ARSH: variants seen among roughly 807,000 people sequenced by gnomAD.
ARSH encodes the protein arylsulfatase H.
Under a neutral mutation model 28.7 loss-of-function variants are expected in ARSH, and 32 were observed. That is an observed-to-expected ratio of 1.11 (90% CI 0.84 to 1.50). ARSH has a LOEUF of 1.50. Ranked by LOEUF, ARSH falls within the 40% of genes most tolerant of loss-of-function variation. The pLI, the probability that ARSH is intolerant of heterozygous loss-of-function variation, is 0.00. For missense variants in ARSH, 440 were observed against 452.4 expected, an observed-to-expected ratio of 0.97 and a Z score of 0.25; for synonymous variants, 176 against 177.3, an observed-to-expected ratio of 0.99 and a Z score of 0.06.
intron 6 of ARSH, 104 bp from the exon 7 acceptor site, chrX:3,027,209 C>T: frequency 1.1e-6 from 1 of 900,968 alleles, no homozygotes; most frequent in Non-Finnish European, 1.6e-6. Flanking sequence ...ATCCGCCCAC[C>T]TCGGCCCCCC....
chrX:3,024,477 GGTGTTGAACAGCGTCT>G (rs1320075283), intron 6 of ARSH, among the ~76,000 whole-genome samples: 1 of 110,672 alleles, frequency 9.0e-6, no homozygotes, highest in Non-Finnish European at 1.9e-5. Context: ...TGCCGTTGTA[GGTGTTGAACAGCGTCT>G]GTGGGCTCCA....
chrX:3,008,063 A>C (rs1281422642), intron 1 of ARSH, among the ~76,000 whole-genome samples: 2 of 111,996 alleles, frequency 1.8e-5, no homozygotes, highest in Non-Finnish European at 3.8e-5. Context: ...GGAGGGACAC[A>C]ATTTAGCTCA....
intron 4 of ARSH, 61 bp downstream of exon 4, chrX:3,015,454 G>A: frequency 9.3e-7 from 1 of 1,074,707 alleles, no homozygotes; most frequent in Non-Finnish European, 1.3e-6. Context: ...TTCATAGGAG[G>A]TCATCACACC....
At chrX:3,009,986 G>A in intron 1 of ARSH, 44 bp from the exon 2 acceptor site, 1 of 1,195,950 alleles carries the variant, frequency 8.4e-7, no homozygotes, top group Non-Finnish European at 1.1e-6. Context: ...ATTGTATTGA[G>A]AATTTTTAGA....
chrX:3,025,040 G>C (rs2089895106), intron 6 of ARSH, among the ~76,000 whole-genome samples: 1 of 109,208 alleles, frequency 9.2e-6, no homozygotes, highest in South Asian at 3.9e-4. Flanking sequence ...TTTTCCTGGA[G>C]GTATAATCAC....
In ARSH at chrX:3,015,240, CCTTT is replaced by C. The variant is rs755293914; in HGVS notation, c.614_617del (p.Phe205CysfsTer21). 18 of 1,209,245 alleles carry C rather than the reference CCTTT, an allele frequency of 1.5e-5. No homozygotes were observed. Among genetic ancestry groups the C allele is most frequent in the Non-Finnish European group, 1.9e-5 (17 of 895,070 alleles). ...GTCATCTTTGTCTTTGCTCTCCTCG[CCTTT>C]CTGTTTTTCACTTCCTGGTACTCTA... On this transcript the variant is annotated frameshift_variant, in exon 4 of 9. Transcript: ENST00000381130. LOFTEE classifies it high-confidence loss of function.
chrX:3,023,323 T>C (rs1324925349), intron 5 of ARSH, among the ~76,000 whole-genome samples: 1 of 105,474 alleles, frequency 9.5e-6, no homozygotes, highest in Non-Finnish European at 1.9e-5. Context: ...ATTTAATATG[T>C]TCATTATATA....
intron 2 of ARSH, among the ~76,000 whole-genome samples, chrX:3,011,248 C>T (rs867791216): frequency 1.2e-4 from 6 of 51,579 alleles, no homozygotes; most frequent in African/African-American, 2.0e-4. Context: ...TTTTTTCTTT[C>T]TTTCTTTTTT....
intron 5 of ARSH, among the ~76,000 whole-genome samples, chrX:3,021,218 G>A (rs181429101): frequency 9.0e-6 from 1 of 110,508 alleles, no homozygotes; most frequent in East Asian, 2.8e-4. Context: ...TCAAAGGACA[G>A]TTTCCCGTAA....
chrX:3,027,752 C>A (rs2089902928), intron 7 of ARSH, among the ~76,000 whole-genome samples: 1 of 111,659 alleles, frequency 9.0e-6, no homozygotes, highest in African/African-American at 3.3e-5. Context: ...TCATCACATC[C>A]CTCACAGCTT....
chrX:3,012,231 A>G (rs1412600497), intron 2 of ARSH, among the ~76,000 whole-genome samples: 1 of 109,746 alleles, frequency 9.1e-6, no homozygotes, highest in Non-Finnish European at 1.9e-5. Context: ...GTCCACCAGT[A>G]TAAATCTACA....
chrX:3,015,115 G>A lies in ARSH; in HGVS notation c.486G>A (p.Trp162Ter). 1 of 1,209,913 alleles carries A rather than the reference G, an allele frequency of 8.3e-7. No individual in the cohort carries two copies. Among genetic ancestry groups the A allele is most frequent in the Non-Finnish European group, 1.1e-6 (1 of 894,635 alleles). The change falls in exon 4 of 9, where the codon TGG becomes TGA. Residue 162 changes from tryptophan to a stop codon, truncating the protein, a stop_gained. Coordinates refer to ENST00000381130, the MANE Select transcript of ARSH (RefSeq NM_001011719.2). LOFTEE classifies it high-confidence loss of function. ...QASKTPELHR[W>*]LRIKLWISTV... ...CCAAGACACCAGAACTGCACCGCTGGCTCAGGATCAAACTGTGGATCTCCA... is the reference window on the plus strand; with the variant it reads ...CCAAGACACCAGAACTGCACCGCTGACTCAGGATCAAACTGTGGATCTCCA...
At chrX:3,009,877 T>C (rs2089841446) in intron 1 of ARSH, among the ~76,000 whole-genome samples, 153 bp from the exon 2 acceptor site, 1 of 112,186 alleles carries the variant, frequency 8.9e-6, no homozygotes, top group African/African-American at 3.2e-5. Context: ...TCAATGCATA[T>C]AAGGAAATAG....
chrX:3,018,763 T>G (rs944141566), intron 5 of ARSH, 93 bp downstream of exon 5: 214 of 963,584 alleles, frequency 2.2e-4, no homozygotes, highest in Non-Finnish European at 2.8e-4. Context: ...TCCAGCCCCT[T>G]GCATAGCATA....
intron 3 of ARSH, among the ~76,000 whole-genome samples, chrX:3,014,223 T>A (rs1317796044): frequency 8.9e-6 from 1 of 111,787 alleles, no homozygotes; most frequent in Non-Finnish European, 1.9e-5. Context: ...GCTATAATCA[T>A]GCCACTGCGC....
At chrX:3,029,481 C>T (rs1976293393) in intron 8 of ARSH, 113 bp downstream of exon 8, 7 of 968,256 alleles carry the variant, frequency 7.2e-6, no homozygotes, top group Non-Finnish European at 9.8e-6. Flanking sequence ...TATGATGGTT[C>T]TTTTTCGCTG....
chrX:3,007,246 TTAA>T (rs1278250285), intron 1 of ARSH, among the ~76,000 whole-genome samples: 1 of 33,766 alleles, frequency 3.0e-5, no homozygotes, highest in African/African-American at 1.4e-4. Flanking sequence ...GAGACTCTGT[TTAA>T]AAAAAAAAAA....
chrX:3,023,113 C>T (rs185351851), intron 5 of ARSH, among the ~76,000 whole-genome samples: 189 of 101,185 alleles, frequency 1.9e-3, no homozygotes, highest in African/African-American at 6.4e-3. Context: ...TGTATATGAA[C>T]TATTCTACAT....
At chrX:3,006,765 G>A (rs898529138) in intron 1 of ARSH, 61 bp downstream of exon 1, 15 of 954,431 alleles carry the variant, frequency 1.6e-5, no homozygotes, top group Middle Eastern at 5.9e-4. Context: ...CAGTGTTCAC[G>A]TCTTTGCCGT....
Sources: gnomAD v4.1 joint callset for allele counts (sites outside exome capture counted in the v4.1 genomes callset) on GRCh38, gnomAD v4.1.1 for gene constraint, MANE v1.5 for transcripts, NCBI Gene and HGNC (gene_info 2026-07-23, HGNC 2026-07-21) for gene names.